PRKG1: variants seen among roughly 807,000 people sequenced by gnomAD.
PRKG1 encodes cGMP-dependent protein kinase 1.
A neutral mutation model predicts 88.1 loss-of-function variants in PRKG1; 35 were observed. The observed-to-expected ratio is 0.40, with a 90% confidence interval of 0.30 to 0.53. The LOEUF (loss-of-function observed/expected upper bound fraction) is 0.53, where lower values mean the gene tolerates loss of function less well. Among genes scored for constraint, PRKG1 ranks in the 20% least tolerant of loss-of-function variants. The pLI is 0.59. For synonymous variants in PRKG1, 303 were observed against 292.5 expected, an observed-to-expected ratio of 1.04 and a Z score of -0.37; for missense variants, 540 against 839.8, an observed-to-expected ratio of 0.64 and a Z score of 4.41.
At chr10:51,115,197 C>A (rs1845085260) in intron 1 of PRKG1, among the ~76,000 whole-genome samples, 1 of 149,250 alleles carries the variant, frequency 6.7e-6, no homozygotes, top group Non-Finnish European at 1.5e-5. Flanking sequence ...ACCTGTAATC[C>A]CAGCTACTCA....
chr10:52,242,381 T>C (rs1182442471), intron 9 of PRKG1: 1 of 152,194 alleles, frequency 6.6e-6, no homozygotes, highest in African/African-American at 2.4e-5. Flanking sequence ...AAAGGAAATA[T>C]CTATTCTGGC....
intron 3 of PRKG1, among the ~76,000 whole-genome samples, chr10:51,747,807 T>A (rs1487470460): frequency 1.3e-5 from 2 of 152,128 alleles, no homozygotes; most frequent in Non-Finnish European, 2.9e-5. Context: ...TCTCACTTTG[T>A]CACCCAGCCT....
chr10:51,041,163 G>T (rs1843415298), intron 1 of PRKG1, among the ~76,000 whole-genome samples: 1 of 152,032 alleles, frequency 6.6e-6, no homozygotes, highest in African/African-American at 2.4e-5. Context: ...AGGCCCAAGG[G>T]ATCTTCAATC....
chr10:51,876,501 G>T (rs1841303697), intron 4 of PRKG1, among the ~76,000 whole-genome samples: 1 of 152,262 alleles, frequency 6.6e-6, no homozygotes, highest in Non-Finnish European at 1.5e-5. Flanking sequence ...TATTTGTGGG[G>T]TTTATATTTG....
intron 5 of PRKG1, among the ~76,000 whole-genome samples, chr10:52,010,249 G>A (rs952616519): frequency 2.0e-5 from 3 of 152,088 alleles, no homozygotes; most frequent in Non-Finnish European, 4.4e-5. Flanking sequence ...TTACAGAGTA[G>A]GAGAAAATAC....
At chr10:52,269,799 T>C (rs1405607654) in intron 10 of PRKG1, among the ~76,000 whole-genome samples, 1 of 152,126 alleles carries the variant, frequency 6.6e-6, no homozygotes, top group Non-Finnish European at 1.5e-5. Context: ...TTACCTCTCT[T>C]GTTTTTGTTA....
At chr10:51,824,527 T>A (rs1200778785) in intron 4 of PRKG1, among the ~76,000 whole-genome samples, 1 of 152,172 alleles carries the variant, frequency 6.6e-6, no homozygotes, top group Non-Finnish European at 1.5e-5. Flanking sequence ...TCAAGGTGTT[T>A]GTGTTAGTCC....
In PRKG1 at chr10:51,386,773, C is replaced by T. The variant is rs192218423; in HGVS notation, c.479-80950C>T. 5.3e-5 allele frequency among the ~76,000 whole-genome samples: 8 copies of T among 152,200 alleles called. No homozygotes were observed. The East Asian group carries it at 1.2e-3, about 22-fold the overall frequency. ...CAAGTTGACACATAAAATTAATCAT[C>T]ACAGCACTCTTGTATTCTTATAATA... On this transcript the variant is annotated intron_variant, in intron 2 of 17. Coordinates refer to ENST00000373980, the MANE Select transcript of PRKG1 (RefSeq NM_006258.4).
chr10:51,264,303 ATGATGTAGC>A (rs1261663792), intron 2 of PRKG1, among the ~76,000 whole-genome samples: 2 of 152,166 alleles, frequency 1.3e-5, no homozygotes, highest in East Asian at 3.9e-4. Flanking sequence ...TTTAATTACA[ATGATGTAGC>A]AAACAAAATT....
At chr10:52,037,469 G>T (rs1845647055) in intron 5 of PRKG1, among the ~76,000 whole-genome samples, 1 of 152,222 alleles carries the variant, frequency 6.6e-6, no homozygotes, top group Non-Finnish European at 1.5e-5. Flanking sequence ...GTAATAAAAT[G>T]TATTTTGAGA....
At chr10:51,731,789 C>G (rs371204000) in intron 3 of PRKG1, among the ~76,000 whole-genome samples, 2 of 152,048 alleles carry the variant, frequency 1.3e-5, no homozygotes, top group Non-Finnish European at 2.9e-5. Flanking sequence ...TATCACAGAC[C>G]GCGTGGTTTA....
At chr10:51,061,329 C>T (rs745396205) in intron 1 of PRKG1, among the ~76,000 whole-genome samples, 12 of 152,140 alleles carry the variant, frequency 7.9e-5, no homozygotes, top group East Asian at 1.9e-4. Context: ...GAGAATAGCA[C>T]GGGAAAAACC....
chr10:51,898,483 A>G (rs939493692), intron 4 of PRKG1, among the ~76,000 whole-genome samples: 14 of 152,152 alleles, frequency 9.2e-5, no homozygotes, highest in Non-Finnish European at 2.1e-4. Flanking sequence ...GAGTTACTCA[A>G]TAAGTTTTGA....
At chr10:51,716,978 G>A (rs529143607) in intron 3 of PRKG1, among the ~76,000 whole-genome samples, 21 of 152,272 alleles carry the variant, frequency 1.4e-4, no homozygotes, top group South Asian at 4.1e-4. Flanking sequence ...GTTTACAGGC[G>A]TGAGCCACTG....
At chr10:51,935,564 C>A (rs755541540) in intron 5 of PRKG1, among the ~76,000 whole-genome samples, 2 of 152,046 alleles carry the variant, frequency 1.3e-5, no homozygotes, top group African/African-American at 2.4e-5. Context: ...TCATACAACC[C>A]GGCATTTGTT....
At chr10:52,262,664 C>A (rs972954835) in intron 10 of PRKG1, among the ~76,000 whole-genome samples, 7 of 152,062 alleles carry the variant, frequency 4.6e-5, no homozygotes, top group African/African-American at 4.8e-5. Context: ...AATATTTTAA[C>A]CTTCCAATCC....
chr10:52,116,124 G>A (rs1254832469), intron 7 of PRKG1, among the ~76,000 whole-genome samples: 1 of 152,124 alleles, frequency 6.6e-6, no homozygotes, highest in Non-Finnish European at 1.5e-5. Flanking sequence ...TTGGCTGAAA[G>A]CTCTGCTGCT....
chr10:52,033,887 T>A (rs1845534313), intron 5 of PRKG1, among the ~76,000 whole-genome samples: 2 of 151,632 alleles, frequency 1.3e-5, no homozygotes, highest in Admixed American at 1.3e-4. Flanking sequence ...TGGGGCCGTT[T>A]TATAGGATTT....
intron 2 of PRKG1, among the ~76,000 whole-genome samples, chr10:51,415,858 TA>T (rs1207207633): frequency 2.0e-5 from 3 of 151,772 alleles, no homozygotes; most frequent in Non-Finnish European, 4.4e-5. Flanking sequence ...GTCTTTGGGT[TA>T]GGGGGAAATT....
Sources: gnomAD v4.1 joint callset for allele counts (sites outside exome capture counted in the v4.1 genomes callset) on GRCh38, gnomAD v4.1.1 for gene constraint, MANE v1.5 for transcripts, NCBI Gene and HGNC (gene_info 2026-07-23, HGNC 2026-07-21) for gene names.